VAX2: variants seen among roughly 807,000 people sequenced by gnomAD.
The protein encoded by VAX2 is ventral anterior homeobox 2.
In VAX2, 8 loss-of-function variants were observed where a neutral mutation model predicts 12.5. The ratio of observed to expected loss-of-function variants is 0.64; its 90% CI spans 0.37 to 1.15. The LOEUF (loss-of-function observed/expected upper bound fraction) is 1.15. Ranked by LOEUF, VAX2 falls within the 50% of genes most tolerant of loss-of-function variation. VAX2 has a pLI of 0.01. For missense variants in VAX2, 476 were observed against 412.9 expected, an observed-to-expected ratio of 1.15 and a Z score of -1.32; for synonymous variants, 183 against 187.6, an observed-to-expected ratio of 0.98 and a Z score of 0.20.
Position 70,906,520 on chromosome 2 carries a change from C to CTTTTTTTTTTTT in VAX2, c.247+5667_247+5678dup, listed in dbSNP as rs869309305. On this transcript the variant is annotated intron_variant, in intron 1 of 2. Transcript: ENST00000234392. ...CTTTCTTTTTTTTTCTTTTCTTTTC[C>CTTTTTTTTTTTT]TTTTTTTTTTTTTTTTTTTTTTTTT... Among the ~76,000 whole-genome samples the CTTTTTTTTTTTT allele has an allele frequency of 5.2e-3, 314 of 60,596 alleles. 54 individuals are homozygous for CTTTTTTTTTTTT. The highest frequency in any genetic ancestry group is 0.018 in the East Asian group (31 of 1,740). The allele number at this position is 60,596 out of a possible 152,430, so 39.8% of individuals were successfully genotyped here. A position where few individuals can be genotyped will look rare whatever the true frequency, so the allele number is the denominator to read the frequency against.
At chr2:70,916,846 G>C (rs1319827938) in intron 1 of VAX2, among the ~76,000 whole-genome samples, 1 of 152,046 alleles carries the variant, frequency 6.6e-6, no homozygotes, top group Non-Finnish European at 1.5e-5. Flanking sequence ...GTTTTTGTGT[G>C]AACATAGGAT....
At position 70,931,538 on chromosome 2, in the gene VAX2, T is replaced by G. The variant is rs138969236; in HGVS notation, c.436-1229T>G. On this transcript the variant is annotated intron_variant, in intron 2 of 2. Transcript: ENST00000234392. ...ACCTCACCATCCCCAGACAGGCATC[T>G]GGCCCCTCCTCTGGTCATGCCCCTC... 2.0e-5 allele frequency among the ~76,000 whole-genome samples: 3 copies of G among 152,360 alleles called. No individual in the cohort carries two copies. The East Asian group carries it at 5.8e-4, about 29-fold the overall frequency.
Position 70,921,248 on chromosome 2 carries a change from C to T in VAX2, c.398C>T (p.Thr133Ile), listed in dbSNP as rs869025255. The T allele has an allele frequency of 7.4e-6, 12 of 1,612,450 alleles. 1 individual carries two copies. The highest frequency in any genetic ancestry group is 1.7e-4 in the Middle Eastern group (1 of 6,052). ...CAGTATGTGGTGGGCCGCGAGCGCA[C>T]TGAGCTGGCCCGCCAGCTGAACCTC... Reference protein sequence around the residue: ...RCQYVVGRERTELARQLNLSE... With the variant: ...RCQYVVGRERIELARQLNLSE... The change falls in exon 2 of 3, where the codon ACT becomes ATT. Residue 133 changes from threonine to isoleucine, a missense_variant. Physicochemically the swap from Thr to Ile is moderately conservative, Grantham distance 89 (BLOSUM62 -1). Coordinates refer to ENST00000234392, the MANE Select transcript of VAX2 (RefSeq NM_012476.3).
chr2:70,920,077 G>C (rs1553412598), intron 1 of VAX2, among the ~76,000 whole-genome samples: 2 of 152,138 alleles, frequency 1.3e-5, no homozygotes, highest in South Asian at 2.1e-4. Flanking sequence ...TCCTCAAGGC[G>C]GCCTTGTGTT....
chr2:70,916,582 T>C (rs1308245457), intron 1 of VAX2, among the ~76,000 whole-genome samples: 2 of 152,216 alleles, frequency 1.3e-5, no homozygotes, highest in African/African-American at 2.4e-5. Context: ...TCTCCACCTC[T>C]ATAATTTTGT....
At chr2:70,920,378 A>C (rs1351463554) in intron 1 of VAX2, among the ~76,000 whole-genome samples, 5 of 152,104 alleles carry the variant, frequency 3.3e-5, no homozygotes, top group African/African-American at 1.2e-4. Context: ...GGGCTCCAAA[A>C]TATTGGAGGC....
chr2:70,928,243 T>C (rs1443675850), intron 2 of VAX2, among the ~76,000 whole-genome samples: 1 of 151,836 alleles, frequency 6.6e-6, no homozygotes, highest in Non-Finnish European at 1.5e-5. Context: ...AAGTAGAGAG[T>C]TGACCCTTCT....
chr2:70,923,698 A>C (rs1449695766), intron 2 of VAX2, among the ~76,000 whole-genome samples: 4 of 152,224 alleles, frequency 2.6e-5, no homozygotes, highest in Non-Finnish European at 5.9e-5. Flanking sequence ...GACACGAGTG[A>C]GGAAGAGCCA....
rs892157631 is a variant in VAX2 at position 70,904,634 on chromosome 2, G to A, written c.247+3766G>A. On this transcript the variant is annotated intron_variant, in intron 1 of 2. Transcript: ENST00000234392. The surrounding 1 kb of genome is among the most constrained non-coding windows in gnomAD (Gnocchi z 4.2). ...GAAACCCTCCGAACCCCTGTGTCTG[G>A]GAGCAGTAGGGTGGGATGACTGCAG... Among the ~76,000 whole-genome samples the A allele has an allele frequency of 6.6e-6, 1 of 152,206 alleles. No individual in the cohort carries two copies. The highest frequency in any genetic ancestry group is 2.4e-5 in the African/African-American group (1 of 41,454).
chr2:70,920,362 T>C (rs1679424519), intron 1 of VAX2, among the ~76,000 whole-genome samples: 1 of 152,142 alleles, frequency 6.6e-6, no homozygotes, highest in Non-Finnish European at 1.5e-5. Context: ...CAAATCACTC[T>C]TCAGTGGGCT....
chr2:70,926,108 G>C (rs575232813), intron 2 of VAX2, among the ~76,000 whole-genome samples: 1 of 151,990 alleles, frequency 6.6e-6, no homozygotes, highest in South Asian at 2.1e-4. Context: ...GTTGTCTGCA[G>C]ATTTAAATCT....
chr2:70,900,846 C>T lies in VAX2; in HGVS notation c.225C>T (p.His75=). 6.9e-7 allele frequency: 1 copy of T among 1,445,336 alleles called. No individual in the cohort carries two copies. Among genetic ancestry groups the T allele is most frequent in the South Asian group, 1.4e-5 (1 of 71,792 alleles). The allele number at this position is 1,445,336 out of a possible 1,614,324, so 89.5% of individuals were successfully genotyped here. The change falls in exon 1 of 3, where the codon CAC becomes CAT. Residue 75 remains histidine (H), a synonymous_variant. Coordinates refer to ENST00000234392, the MANE Select transcript of VAX2 (RefSeq NM_012476.3). ...AGCCCGGGCCCGGCGAGGCAGACCA[C>T]TGCCGCCGCATACTGGTGCGAGGTA... ...DGQPGPGEAD[H]CRRILVRDAK...
At chr2:70,909,568 T>C (rs1004559641) in intron 1 of VAX2, among the ~76,000 whole-genome samples, 7 of 152,048 alleles carry the variant, frequency 4.6e-5, no homozygotes, top group African/African-American at 1.4e-4. Flanking sequence ...ACTCCTAAGA[T>C]TTACCTTCCA....
In VAX2 at chr2:70,933,014, G is replaced by T. The variant is rs2234499; in HGVS notation, c.683G>T (p.Arg228Leu). Residue 228 changes from arginine (R) to leucine (L), a missense_variant, in exon 3 of 3, where the codon CGC (arginine) becomes CTC (leucine). Arg to Leu is a moderately radical substitution (Grantham distance 102). Transcript: ENST00000234392. ...GGTGACCCCAGGAACTCCTCCCCAC[G>T]CCTCAACCCGCTGTCCTCGGCCTCA... ...SLGDPRNSSPRLNPLSSASAS... is the reference protein window; with the variant it reads ...SLGDPRNSSPLLNPLSSASAS... 8 of 1,596,684 alleles carry T rather than the reference G, an allele frequency of 5.0e-6. No homozygotes were observed. The South Asian group carries it at 9.0e-5, about 18-fold the overall frequency.
intron 2 of VAX2, among the ~76,000 whole-genome samples, chr2:70,924,597 A>G (rs548352403): frequency 5.9e-5 from 9 of 152,286 alleles, no homozygotes; most frequent in Admixed American, 2.0e-4. Context: ...ATTCATGGGT[A>G]ATAGTACCCA....
intron 1 of VAX2, among the ~76,000 whole-genome samples, chr2:70,901,464 G>A (rs543281898): frequency 1.3e-5 from 2 of 152,366 alleles, no homozygotes; most frequent in Non-Finnish European, 2.9e-5. Context: ...TCCTCGCGGC[G>A]CCTGGGCCCA....
chr2:70,920,432 C>T (rs1487236711), intron 1 of VAX2, among the ~76,000 whole-genome samples: 2 of 152,118 alleles, frequency 1.3e-5, no homozygotes, highest in Admixed American at 6.5e-5. Flanking sequence ...AGTGGCCCTG[C>T]TGTTCAGGAC....
intron 2 of VAX2, among the ~76,000 whole-genome samples, chr2:70,927,017 G>A (rs1679589047): frequency 6.6e-6 from 1 of 152,178 alleles, no homozygotes; most frequent in Admixed American, 6.5e-5. Context: ...TATATTGTTT[G>A]CTACTTCAAC....
chr2:70,928,974 A>G (rs1679630722), intron 2 of VAX2, among the ~76,000 whole-genome samples: 1 of 152,238 alleles, frequency 6.6e-6, no homozygotes, highest in Non-Finnish European at 1.5e-5. Context: ...GCCTGGCCTC[A>G]GGTCCTAGGA....
Sources: gnomAD v4.1 joint callset for allele counts (sites outside exome capture counted in the v4.1 genomes callset) on GRCh38, gnomAD v4.1.1 for gene constraint, Gnocchi (gnomAD v3.1) non-coding constraint, MANE v1.5 for transcripts, NCBI Gene and HGNC (gene_info 2026-07-23, HGNC 2026-07-21) for gene names.